LAPTM5: variants seen among roughly 807,000 people sequenced by gnomAD.
LAPTM5 encodes the protein lysosomal-associated transmembrane protein 5.
Under a neutral mutation model 30.1 loss-of-function variants are expected in LAPTM5, and 11 were observed. That is an observed-to-expected ratio of 0.37 (90% CI 0.23 to 0.60). The LOEUF (loss-of-function observed/expected upper bound fraction) is 0.60, where lower values mean the gene tolerates loss of function less well. Among genes scored for constraint, LAPTM5 ranks in the 20% least tolerant of loss-of-function variants. The probability of loss-of-function intolerance (pLI) is 0.71; values close to 1 mark genes in which losing one functional copy is unlikely to be tolerated. For missense variants in LAPTM5, 324 were observed against 332.5 expected (o/e 0.97, Z 0.20); for synonymous variants, 151 against 137.9 (o/e 1.10, Z -0.67).
intron 7 of LAPTM5, among the ~76,000 whole-genome samples, chr1:30,734,744 G>T (rs748138740): frequency 2.0e-5 from 3 of 152,186 alleles, no homozygotes; most frequent in Non-Finnish European, 4.4e-5. Flanking sequence ...TGCTTTCCCA[G>T]CTATCTCATA....
At chr1:30,744,360 G>A (rs559050595) in intron 1 of LAPTM5, among the ~76,000 whole-genome samples, 92 of 152,230 alleles carry the variant, frequency 6.0e-4, no homozygotes, top group African/African-American at 2.0e-3. Flanking sequence ...CACCTTGAAC[G>A]AGAGAAAGAG....
intron 6 of LAPTM5, among the ~76,000 whole-genome samples, 200 bp downstream of exon 6, chr1:30,737,404 A>G (rs996319658): frequency 6.6e-5 from 10 of 152,140 alleles, no homozygotes; most frequent in Non-Finnish European, 1.0e-4. Flanking sequence ...ACGGATTCAC[A>G]TGCCCTAAAT....
chr1:30,742,129 T>G (rs1569860707), intron 2 of LAPTM5: 1 of 418,368 alleles, frequency 2.4e-6, no homozygotes, highest in East Asian at 5.0e-5. Context: ...GATCCTATGG[T>G]GAGGAGTTTC....
At position 30,748,730 on chromosome 1, in the gene LAPTM5, G is replaced by A. The variant is rs145274770; in HGVS notation, c.88-6181C>T. 1.3e-3 allele frequency among the ~76,000 whole-genome samples: 193 copies of A among 152,302 alleles called. 1 individual carries two copies. Among genetic ancestry groups the A allele is most frequent in the African/African-American group, 4.5e-3 (185 of 41,562 alleles). ...CGGCCTGGCTGCCTGCAGCTCCCCA[G>A]AGCCTGGCTTCTCTCTCCTCTTCAC... On this transcript the variant is annotated intron_variant, in intron 1 of 7. Transcript: ENST00000294507.
At chr1:30,740,002 T>G (rs938569550) in intron 3 of LAPTM5, 65 bp from the exon 4 acceptor site, 3 of 1,479,258 alleles carry the variant, frequency 2.0e-6, no homozygotes, top group African/African-American at 2.8e-5. Context: ...CCACCCAGCC[T>G]GATATCCTCA....
chr1:30,733,621 G>A lies in LAPTM5; in HGVS notation c.*207C>T. Reference sequence around the variant, plus strand: ...TGGGCTGAATTATGGAGAGACCCGAGGAGTGACTCAGCCTAAAGCGTTGAC... The same window carrying A: ...TGGGCTGAATTATGGAGAGACCCGAAGAGTGACTCAGCCTAAAGCGTTGAC... On this transcript the variant is annotated 3_prime_UTR_variant, in exon 8 of 8. Transcript: ENST00000294507. 6.5e-7 allele frequency: 1 copy of A among 1,531,976 alleles called. No individual in the cohort carries two copies. The highest frequency in any genetic ancestry group is 1.2e-5 in the South Asian group (1 of 83,202). 94.9% of individuals were successfully genotyped at this position (1,531,976 alleles called of 1,614,324 possible). A position where few individuals can be genotyped will look rare whatever the true frequency, so the allele number is the denominator to read the frequency against.
intron 3 of LAPTM5, 105 bp from the exon 4 acceptor site, chr1:30,740,042 T>G: frequency 1.5e-6 from 2 of 1,291,286 alleles, no homozygotes; most frequent in Non-Finnish European, 2.0e-6. Flanking sequence ...CTCCCAAACC[T>G]TCCCTGCCCT....
Position 30,757,666 on chromosome 1 carries a change from T to A in LAPTM5, c.80A>T (p.Tyr27Phe), listed in dbSNP as rs1368013488. 6.2e-7 allele frequency: 1 copy of A among 1,613,496 alleles called. No individual in the cohort carries two copies. Among genetic ancestry groups the A allele is most frequent in the Non-Finnish European group, 8.5e-7 (1 of 1,179,946 alleles). The change falls in exon 1 of 8, where the codon TAC becomes TTC. Residue 27 changes from tyrosine to phenylalanine, a missense_variant. Transcript: ENST00000294507. The part of the protein sequence containing the change: ...VRIATTALAI[Y>F]HVIMSVLLFI... ...CGGGGCCCGCACACTCACCACATGG[T>A]AGATGGCCAGGGCGGTGGTTGCGAT...
intron 1 of LAPTM5, among the ~76,000 whole-genome samples, chr1:30,752,513 C>G (rs1640151634): frequency 6.6e-6 from 1 of 152,210 alleles, no homozygotes; most frequent in Non-Finnish European, 1.5e-5. Flanking sequence ...ACTCCCCCCG[C>G]CCAGCGTGAC....
In LAPTM5 at chr1:30,737,616, G is replaced by A; in HGVS notation, c.594C>T (p.Val198=). 6.2e-7 allele frequency: 1 copy of A among 1,612,600 alleles called. No homozygotes were observed. Among genetic ancestry groups the A allele is most frequent in the Non-Finnish European group, 8.5e-7 (1 of 1,178,850 alleles). ...MIIFSIAFIT[V]LIFKVYMFKC... is the part of the protein sequence containing the mutation. ...GGGATCCACTCACCTTGAAGATAAG[G>A]ACAGTGATGAAGGCGATGGAAAAGA... Residue 198 remains valine, a synonymous_variant, in exon 6 of 8, where the codon GTC becomes GTT. Transcript: ENST00000294507.
At position 30,739,949 on chromosome 1, in the gene LAPTM5, G is replaced by A. The variant is rs367849875; in HGVS notation, c.259-12C>T. ...TACTTCTCCCGGTTCTGAAAGGTAG[G>A]CCCAGCACCGTCAAGTGTCCCCTGC... On this transcript the variant is annotated splice_polypyrimidine_tract_variant and intron_variant, in intron 3 of 7. Coordinates refer to ENST00000294507, the MANE Select transcript of LAPTM5 (RefSeq NM_006762.3). The surrounding 1 kb of genome is among the most constrained non-coding windows in gnomAD (Gnocchi z 4.2). 15 of 1,566,640 alleles carry A rather than the reference G, an allele frequency of 9.6e-6. No individual in the cohort carries two copies. The highest frequency in any genetic ancestry group is 1.4e-5 in the African/African-American group (1 of 73,376).
intron 7 of LAPTM5, 127 bp from the exon 8 acceptor site, chr1:30,734,044 T>C (rs957889032): frequency 8.7e-6 from 9 of 1,032,636 alleles, no homozygotes; most frequent in East Asian, 7.9e-5. Context: ...AGGTCTTGGA[T>C]ATTTGCTATG....
Position 30,748,219 on chromosome 1 carries a change from C to T in LAPTM5, c.88-5670G>A, listed in dbSNP as rs72876496. On this transcript the variant is annotated intron_variant, in intron 1 of 7. Coordinates refer to ENST00000294507, the MANE Select transcript of LAPTM5 (RefSeq NM_006762.3). The stretch of plus-strand genomic sequence containing the variant: ...GCCAGAGTGTGGACACTTTCCTATC[C>T]GTTTACTTCATTGGCTCCTCCTACC... 5.7e-3 allele frequency among the ~76,000 whole-genome samples: 862 copies of T among 152,168 alleles called. 12 individuals carry two copies. Among genetic ancestry groups the T allele is most frequent in the South Asian group, 0.022 (106 of 4,818 alleles).
rs1220765488 is a variant in LAPTM5, at chr1:30,742,568, A to T, written c.88-19T>A. The T allele has an allele frequency of 1.2e-6, 2 of 1,602,758 alleles. No individual in the cohort carries two copies. The highest frequency in any genetic ancestry group is 8.5e-7 in the Non-Finnish European group (1 of 1,172,230). ...TCATGATCTGGAGGCAAAGCAAAGC[A>T]TCAGTCAGCTGAGCCTGCATCACGG... On this transcript the variant is annotated intron_variant, in intron 1 of 7. Coordinates refer to ENST00000294507, the MANE Select transcript of LAPTM5 (RefSeq NM_006762.3).
At chr1:30,751,828 C>G (rs1053526627) in intron 1 of LAPTM5, among the ~76,000 whole-genome samples, 1 of 152,198 alleles carries the variant, frequency 6.6e-6, no homozygotes, top group Non-Finnish European at 1.5e-5. Flanking sequence ...TCGCTAGGGT[C>G]TCCTCCAAAT....
At chr1:30,750,712 G>A (rs375249125) in intron 1 of LAPTM5, among the ~76,000 whole-genome samples, 12 of 152,138 alleles carry the variant, frequency 7.9e-5, no homozygotes, top group South Asian at 6.2e-4. Flanking sequence ...ACCTGGGCTC[G>A]GGTTCTTTAT....
Position 30,739,693 on chromosome 1 carries a change from G to A in LAPTM5, c.387+116C>T, listed in dbSNP as rs528372790. ...GAGACTGGGTCAAGACACCAGCCAG[G>A]AAGAGGGCTCCTACCCTCCCCAGCC... On this transcript the variant is annotated intron_variant, in intron 4 of 7. Coordinates refer to ENST00000294507, the MANE Select transcript of LAPTM5 (RefSeq NM_006762.3). The surrounding 1 kb of genome is among the most constrained non-coding windows in gnomAD (Gnocchi z 4.2). 1.4e-5 allele frequency: 17 copies of A among 1,255,170 alleles called. No individual in the cohort carries two copies. The South Asian group carries it at 2.7e-4, about 20-fold the overall frequency. The allele number at this position is 1,255,170 out of a possible 1,614,324, so 77.8% of individuals were successfully genotyped here.
Position 30,739,990 on chromosome 1 carries a change from C to T in LAPTM5, c.259-53G>A, listed in dbSNP as rs889969387. 5.4e-5 allele frequency: 81 copies of T among 1,496,540 alleles called. No individual in the cohort carries two copies. Among genetic ancestry groups the T allele is most frequent in the Admixed American group, 4.3e-4 (20 of 47,052 alleles). 92.7% of individuals were successfully genotyped at this position (1,496,540 alleles called of 1,614,324 possible). A position where few individuals can be genotyped will look rare whatever the true frequency, so the allele number is the denominator to read the frequency against. On this transcript the variant is annotated intron_variant, in intron 3 of 7. Coordinates refer to ENST00000294507, the MANE Select transcript of LAPTM5 (RefSeq NM_006762.3). This position sits in a 1 kb window ranked among gnomAD's most constrained non-coding sequence, Gnocchi z 4.2. ...TGTCCCCTGCATGCAGCCAACACTCCGCCACCCAGCCTGATATCCTCATGC... is the reference window on the plus strand; with the variant it reads ...TGTCCCCTGCATGCAGCCAACACTCTGCCACCCAGCCTGATATCCTCATGC...
intron 1 of LAPTM5, among the ~76,000 whole-genome samples, chr1:30,748,715 G>C (rs1311513497): frequency 6.6e-6 from 1 of 152,218 alleles, no homozygotes; most frequent in Non-Finnish European, 1.5e-5. Context: ...CGGCCTGGCT[G>C]CCTGCAGCTC....
Sources: allele counts gnomAD v4.1 joint callset (sites outside exome capture counted in the v4.1 genomes callset), GRCh38; gene constraint gnomAD v4.1.1; non-coding constraint Gnocchi (gnomAD v3.1); transcripts MANE v1.5; gene names NCBI Gene and HGNC (gene_info 2026-07-23, HGNC 2026-07-21).